The following PTPRN2 variants were observed in gnomAD, a reference collection of about 807,000 sequenced individuals.
PTPRN2 encodes the protein protein tyrosine phosphatase receptor type N2, also known as receptor-type tyrosine-protein phosphatase N2.
In PTPRN2, 74 loss-of-function variants were observed where a neutral mutation model predicts 118.8. The observed-to-expected ratio is 0.62, with a 90% CI of 0.52 to 0.76. The LOEUF is 0.76. Among genes scored for constraint, PTPRN2 ranks in the 30% least tolerant of loss-of-function variants. The pLI is 0.00. For synonymous variants in PTPRN2, 641 were observed against 608.0 expected (o/e 1.05, Z -0.80); for missense variants, 1,481 against 1,394.4 (o/e 1.06, Z -0.99).
At chr7:157,592,664 G>C (rs1054719328) in intron 17 of PTPRN2, among the ~76,000 whole-genome samples, 2 of 151,146 alleles carry the variant, frequency 1.3e-5, no homozygotes, top group Non-Finnish European at 1.5e-5. Context: ...GGTGGATGTG[G>C]CACCTGCTGA....
intron 11 of PTPRN2, among the ~76,000 whole-genome samples, chr7:157,970,445 T>C (rs1802240722): frequency 6.6e-6 from 1 of 152,208 alleles, no homozygotes; most frequent in Non-Finnish European, 1.5e-5. Context: ...AAAGTCTCTA[T>C]TCCAGCACAA....
At position 157,903,254 on chromosome 7, in the gene PTPRN2, A is replaced by AAGAGGGAATGTG. The variant is rs1034180467; in HGVS notation, c.1724-4529_1724-4518dup. On this transcript the variant is annotated intron_variant, in intron 11 of 22. Coordinates refer to ENST00000389418, the MANE Select transcript of PTPRN2 (RefSeq NM_002847.5). The surrounding 1 kb of genome is among the most constrained non-coding windows in gnomAD (Gnocchi z 4.2). ...ATAGAGATGGGAACAACAGACACGT[A>AAGAGGGAATGTG]AGAGGGAATGTGAGAGGGAATGTGA... is the stretch of plus-strand genomic sequence containing the variant. Among the ~76,000 whole-genome samples the AAGAGGGAATGTG allele has an allele frequency of 2.6e-5, 4 of 152,036 alleles. No individual in the cohort carries two copies. Among genetic ancestry groups the AAGAGGGAATGTG allele is most frequent in the Admixed American group, 2.0e-4 (3 of 15,268 alleles).
chr7:157,786,774 G>GT (rs1554445999), intron 12 of PTPRN2, among the ~76,000 whole-genome samples: 6 of 152,254 alleles, frequency 3.9e-5, no homozygotes, highest in Non-Finnish European at 8.8e-5. Context: ...TTAAAAACGC[G>GT]TAAGACTCAC....
intron 16 of PTPRN2, among the ~76,000 whole-genome samples, chr7:157,599,704 C>G (rs79544295): frequency 0.036 from 5,477 of 152,312 alleles, 174 homozygotes; most frequent in East Asian, 0.19. Context: ...AAACCAGCCC[C>G]GGCCTCTGGC....
chr7:158,149,251 G>T (rs11767654), intron 6 of PTPRN2, among the ~76,000 whole-genome samples: 133,125 of 152,074 alleles, frequency 0.88, 58,540 homozygotes, highest in African/African-American at 0.95. Flanking sequence ...TTATAGTACA[G>T]GGAACCCAAT....
intron 12 of PTPRN2, among the ~76,000 whole-genome samples, chr7:157,685,256 GC>G (rs1401404438): frequency 6.6e-6 from 1 of 151,930 alleles, no homozygotes; most frequent in African/African-American, 2.4e-5. Flanking sequence ...GGCGACCCCG[GC>G]CCCGCTGCCC....
intron 10 of PTPRN2, among the ~76,000 whole-genome samples, chr7:158,081,969 T>C (rs73748030): frequency 0.034 from 5,103 of 152,054 alleles, 298 homozygotes; most frequent in African/African-American, 0.12. Context: ...AGACCCCATA[T>C]GCAGTAGAAA....
Position 157,609,139 on chromosome 7 carries a change from T to C in PTPRN2, c.2345-5064A>G, listed in dbSNP as rs930209823. On this transcript the variant is annotated intron_variant, in intron 15 of 22. Coordinates refer to ENST00000389418, the MANE Select transcript of PTPRN2 (RefSeq NM_002847.5). The surrounding 1 kb of genome is among the most constrained non-coding windows in gnomAD (Gnocchi z 4.9). Reference sequence around the variant, plus strand: ...GGCTCACACCTATAATCCCAGTACTTTGGGAGGCTGAGGTGGGTGGATCAC... The same window carrying C: ...GGCTCACACCTATAATCCCAGTACTCTGGGAGGCTGAGGTGGGTGGATCAC... Among the ~76,000 whole-genome samples the C allele has an allele frequency of 3.3e-5, 5 of 152,150 alleles. No homozygotes were observed. Among genetic ancestry groups the C allele is most frequent in the Admixed American group, 2.6e-4 (4 of 15,272 alleles).
intron 2 of PTPRN2, among the ~76,000 whole-genome samples, chr7:158,400,349 C>T (rs750050575): frequency 2.6e-5 from 4 of 152,136 alleles, no homozygotes; most frequent in Non-Finnish European, 5.9e-5. Context: ...CAGGCTGGAG[C>T]AGCATTCTGG....
intron 22 of PTPRN2, among the ~76,000 whole-genome samples, chr7:157,544,069 G>A (rs1798145115): frequency 6.6e-6 from 1 of 151,522 alleles, no homozygotes; most frequent in South Asian, 2.1e-4. Context: ...ACGGAGAGAG[G>A]TGGAGAGAGA....
chr7:158,138,370 A>G lies in PTPRN2; in HGVS notation c.1056T>C (p.Pro352=), dbSNP rs1425011166. 3 of 1,613,716 alleles carry G rather than the reference A, an allele frequency of 1.9e-6. No individual in the cohort carries two copies. Among genetic ancestry groups the G allele is most frequent in the Non-Finnish European group, 2.5e-6 (3 of 1,180,034 alleles). Residue 352 remains proline (P), a synonymous_variant, in exon 7 of 23, where the codon CCT becomes CCC. Coordinates refer to ENST00000389418, the MANE Select transcript of PTPRN2 (RefSeq NM_002847.5). ...CAGACTCTCCCAGGGCCGCTCTCCC[A>G]GGGCTGCCTCGAGCTACTCCATGGT... is the stretch of plus-strand genomic sequence containing the variant. The part of the protein sequence containing the change: ...GVDHGVARGS[P]GRAALGESGE...
In PTPRN2 at chr7:158,109,308, T is replaced by G. The variant is rs999165503; in HGVS notation, c.1643+1521A>C. Among the ~76,000 whole-genome samples, 5 of 143,218 alleles carry G rather than the reference T, an allele frequency of 3.5e-5. No homozygotes were observed. In the South Asian group the frequency reaches 6.7e-4, roughly 19 times the overall value. 94.0% of individuals were successfully genotyped at this position (143,218 alleles called of 152,430 possible). On this transcript the variant is annotated intron_variant, in intron 10 of 22. Coordinates refer to ENST00000389418, the MANE Select transcript of PTPRN2 (RefSeq NM_002847.5). ...CAGTGAGTGAATGACATCACCCCTG[T>G]GTGAAGGAGACAGTGAGTGAATGAC...
intron 1 of PTPRN2, among the ~76,000 whole-genome samples, chr7:158,516,602 C>T (rs1823580699): frequency 2.0e-5 from 3 of 151,764 alleles, no homozygotes; most frequent in Admixed American, 2.0e-4. Context: ...TCGTGCTGTT[C>T]TTGGTGCTCC....
intron 13 of PTPRN2, among the ~76,000 whole-genome samples, chr7:157,659,008 C>T (rs992525215): frequency 2.6e-5 from 4 of 151,868 alleles, no homozygotes; most frequent in East Asian, 2.0e-4. Context: ...CCCTTCACCC[C>T]GGGGTGCCGG....
At chr7:157,771,887 C>G (rs1266873381) in intron 12 of PTPRN2, among the ~76,000 whole-genome samples, 1 of 150,042 alleles carries the variant, frequency 6.7e-6, no homozygotes, top group African/African-American at 2.5e-5. Flanking sequence ...TGAACACACA[C>G]AGACACAGAC....
intron 2 of PTPRN2, among the ~76,000 whole-genome samples, chr7:158,403,510 C>T (rs749422556): frequency 1.3e-5 from 2 of 152,206 alleles, no homozygotes; most frequent in African/African-American, 2.4e-5. Context: ...GAATCGTGCC[C>T]GGAGCAAGCA....
At chr7:158,137,880 G>A (rs1207375554) in intron 7 of PTPRN2, among the ~76,000 whole-genome samples, 1 of 152,150 alleles carries the variant, frequency 6.6e-6, no homozygotes, top group African/African-American at 2.4e-5. Context: ...TGGTGCTGAG[G>A]GGCTGCCTTC....
intron 11 of PTPRN2, among the ~76,000 whole-genome samples, chr7:158,073,473 C>T (rs1337627685): frequency 6.6e-6 from 1 of 152,182 alleles, no homozygotes; most frequent in East Asian, 1.9e-4. Flanking sequence ...TTTCCTCCTT[C>T]AGGTCTCAAA....
At position 158,408,997 on chromosome 7, in the gene PTPRN2, T is replaced by TAA. The variant is rs398048224; in HGVS notation, c.163+80736_163+80737dup. Among the ~76,000 whole-genome samples, 91 of 146,332 alleles carry TAA rather than the reference T, an allele frequency of 6.2e-4. 1 individual carries two copies. The Middle Eastern group carries it at 0.014, about 22-fold the overall frequency. ...TAGTAATGACTTTGCTCTCCTTAAT[T>TAA]AAAAAAAAAAAAAAATCAAAAGATC... On this transcript the variant is annotated intron_variant, in intron 2 of 22. Transcript: ENST00000389418.
Sources: allele counts gnomAD v4.1 joint callset (sites outside exome capture counted in the v4.1 genomes callset), GRCh38; gene constraint gnomAD v4.1.1; non-coding constraint Gnocchi (gnomAD v3.1); transcripts MANE v1.5; gene names NCBI Gene and HGNC (gene_info 2026-07-23, HGNC 2026-07-21).